The following TTI1 variants were observed in gnomAD, a reference collection of about 807,000 sequenced individuals.
The protein encoded by TTI1 is TELO2 interacting protein 1, also known as TELO2-interacting protein 1 homolog.
In TTI1, 52 loss-of-function variants were observed where a neutral mutation model predicts 85.4. The observed-to-expected ratio is 0.61, with a 90% CI of 0.49 to 0.77. The LOEUF is 0.77. Ranked by LOEUF, TTI1 falls within the 30% of genes least tolerant of loss-of-function variation. The pLI is 0.00. For missense variants in TTI1, 1,173 were observed against 1,296.0 expected (o/e 0.91, Z 1.46); for synonymous variants, 512 against 503.9 (o/e 1.02, Z -0.22).
chr20:38,013,627 C>T lies in TTI1; in HGVS notation c.190G>A (p.Gly64Ser), dbSNP rs750619649. The part of the protein sequence containing the change: ...FPLRFTLKTP[G>S]PKRERLIQSV... ...TGGATCAAACGCTCTCTTTTGGGAC[C>T]TGGGGTCTTCAGGGTAAATCGCAGA... The change falls in exon 2 of 8, where the codon GGT becomes AGT. Residue 64 changes from glycine (G) to serine (S), a missense_variant. Transcript: ENST00000373447. 9.9e-6 allele frequency: 16 copies of T among 1,614,186 alleles called. 1 individual carries two copies. Among genetic ancestry groups the T allele is most frequent in the South Asian group, 8.8e-5 (8 of 91,086 alleles).
chr20:38,014,484 T>C (rs548087464), intron 1 of TTI1, among the ~76,000 whole-genome samples: 1 of 152,152 alleles, frequency 6.6e-6, no homozygotes, highest in Non-Finnish European at 1.5e-5. Context: ...ATTAAGAGGT[T>C]TAAAGCAAGG....
chr20:38,016,271 A>G (rs2073680568), intron 1 of TTI1, among the ~76,000 whole-genome samples: 1 of 152,210 alleles, frequency 6.6e-6, no homozygotes, highest in Admixed American at 6.5e-5. Flanking sequence ...TTCTTTTAGT[A>G]TGGAGAATTT....
intron 7 of TTI1, chr20:37,987,415 G>T (rs542635529): frequency 2.2e-6 from 1 of 444,802 alleles, no homozygotes; most frequent in African/African-American, 2.0e-5. Flanking sequence ...CATACCAAAT[G>T]GCCAGTTCCA....
intron 1 of TTI1, among the ~76,000 whole-genome samples, chr20:38,015,845 G>C (rs905929937): frequency 6.6e-6 from 1 of 152,182 alleles, no homozygotes; most frequent in Non-Finnish European, 1.5e-5. Flanking sequence ...CAAACTGTGA[G>C]ACTTGGAGGA....
intron 1 of TTI1, among the ~76,000 whole-genome samples, chr20:38,032,814 G>A (rs1186932204): frequency 3.9e-5 from 6 of 152,090 alleles, no homozygotes; most frequent in African/African-American, 1.4e-4. Flanking sequence ...CAAAGGGTTG[G>A]GATTACAAGC....
At chr20:38,023,171 C>T (rs538920872) in intron 1 of TTI1, among the ~76,000 whole-genome samples, 2 of 152,280 alleles carry the variant, frequency 1.3e-5, no homozygotes, top group South Asian at 4.1e-4. Context: ...AGCTGAGCAG[C>T]ACAAGGCTCA....
intron 7 of TTI1, among the ~76,000 whole-genome samples, chr20:37,990,954 G>C (rs2073256189): frequency 2.0e-5 from 3 of 152,190 alleles, no homozygotes; most frequent in Non-Finnish European, 2.9e-5. Flanking sequence ...GTAGATTTAA[G>C]TAGCCCAGAG....
chr20:38,001,502 A>G (rs2073424778), intron 4 of TTI1, among the ~76,000 whole-genome samples: 1 of 152,188 alleles, frequency 6.6e-6, no homozygotes, highest in Non-Finnish European at 1.5e-5. Context: ...TCAGCCAGGC[A>G]CCTACATTAA....
intron 2 of TTI1, among the ~76,000 whole-genome samples, chr20:38,009,514 ATT>A (rs113820905): frequency 6.8e-6 from 1 of 148,148 alleles, no homozygotes; most frequent in African/African-American, 2.5e-5. Flanking sequence ...TTATTTATTT[ATT>A]TTTTTTTTTG....
intron 7 of TTI1, among the ~76,000 whole-genome samples, chr20:37,984,193 C>T (rs2073160596): frequency 6.6e-6 from 1 of 152,184 alleles, no homozygotes; most frequent in African/African-American, 2.4e-5. Flanking sequence ...TCATGGCTCC[C>T]GTGTGAGGAG....
chr20:38,027,848 C>T (rs899184907), intron 1 of TTI1, among the ~76,000 whole-genome samples: 3 of 151,960 alleles, frequency 2.0e-5, no homozygotes, highest in African/African-American at 7.3e-5. Flanking sequence ...CACTTGAACC[C>T]GGGAGGCGGA....
At chr20:38,006,035 G>A (rs1465265416) in intron 3 of TTI1, 162 bp downstream of exon 3, 2 of 849,448 alleles carry the variant, frequency 2.4e-6, no homozygotes, top group Non-Finnish European at 3.6e-6. Flanking sequence ...TAACAGAAAA[G>A]AATGGAAAAA....
intron 1 of TTI1, among the ~76,000 whole-genome samples, chr20:38,014,884 A>G (rs761053014): frequency 1.1e-4 from 17 of 152,352 alleles, no homozygotes; most frequent in Middle Eastern, 6.8e-3. Flanking sequence ...GGGGAAGCAG[A>G]GCATGCTGGG....
At chr20:37,990,204 C>T (rs552665063) in intron 7 of TTI1, among the ~76,000 whole-genome samples, 1 of 152,292 alleles carries the variant, frequency 6.6e-6, no homozygotes, top group African/African-American at 2.4e-5. Context: ...AAAATTTCTT[C>T]ACTTCCTTCC....
In TTI1 at chr20:38,006,350, TTTGCTC is replaced by T. The variant is rs1287058716; in HGVS notation, c.2344_2349del (p.Glu782_Gln783del). On this transcript the variant is annotated inframe_deletion, in exon 3 of 8. Transcript: ENST00000373447. Reference sequence around the variant, plus strand: ...AAATGACTTCCCTCTTCTCCTAAACTTTGCTCTTGGAGGTGCCCAAGATTACCTGTG... The same window carrying T: ...AAATGACTTCCCTCTTCTCCTAAACTTTGGAGGTGCCCAAGATTACCTGTG... 1 of 1,614,056 alleles carries T rather than the reference TTTGCTC, an allele frequency of 6.2e-7. No homozygotes were observed. The highest frequency in any genetic ancestry group is 1.3e-5 in the African/African-American group (1 of 74,914).
rs760307030 is a variant in TTI1 at position 37,996,822 on chromosome 20, C to T, written c.2925G>A (p.Ser975=). ...PISARAGPVY[S]HTLAFKLQLA... ...GCTGCAACTTGAAGGCCAGCGTGTG[C>T]GAGTAAACTGGTCCAGCCCTGGCAC... Residue 975 remains serine, a synonymous_variant, in exon 6 of 8, where the codon TCG becomes TCA. Transcript: ENST00000373447. The T allele has an allele frequency of 4.2e-5, 67 of 1,613,896 alleles. No individual in the cohort carries two copies. The highest frequency in any genetic ancestry group is 1.2e-4 in the South Asian group (11 of 91,084).
chr20:37,995,157 G>A (rs577620197), intron 7 of TTI1, among the ~76,000 whole-genome samples: 10 of 152,300 alleles, frequency 6.6e-5, no homozygotes, highest in Middle Eastern at 6.8e-3. Flanking sequence ...AATGCCTGGG[G>A]ACAGAAGCTG....
At chr20:37,987,450 C>A (rs1450147347) in intron 7 of TTI1, 2 of 417,346 alleles carry the variant, frequency 4.8e-6, no homozygotes, top group Admixed American at 2.9e-5. Context: ...CAAAGAGAAA[C>A]ACTTTTTAAA....
At chr20:38,022,200 C>A (rs2073779913) in intron 1 of TTI1, among the ~76,000 whole-genome samples, 1 of 152,188 alleles carries the variant, frequency 6.6e-6, no homozygotes, top group South Asian at 2.1e-4. Context: ...TTGGTCAGGG[C>A]CTTTGCACTT....
Sources: allele counts gnomAD v4.1 joint callset (sites outside exome capture counted in the v4.1 genomes callset), GRCh38; gene constraint gnomAD v4.1.1; transcripts MANE v1.5; gene names NCBI Gene and HGNC (gene_info 2026-07-23, HGNC 2026-07-21).